UGT2B10: variants seen among roughly 807,000 people sequenced by gnomAD.
UGT2B10 encodes the protein UDP-glucuronosyltransferase 2B10.
A neutral mutation model predicts 43.7 loss-of-function variants in UGT2B10; 51 were observed. The ratio of observed to expected loss-of-function variants is 1.17; its 90% CI spans 0.93 to 1.47. UGT2B10 has a LOEUF of 1.47. UGT2B10 is among the 40% of genes most tolerant of loss of function. The probability of loss-of-function intolerance (pLI) is 0.00; values close to 1 mark genes in which losing one functional copy is unlikely to be tolerated. For synonymous variants in UGT2B10, 225 were observed against 209.0 expected, an observed-to-expected ratio of 1.08 and a Z score of -0.66; for missense variants, 696 against 617.7, an observed-to-expected ratio of 1.13 and a Z score of -1.34.
chr4:68,827,398 G>A lies in UGT2B10; in HGVS notation c.1157G>A (p.Gly386Glu), dbSNP rs747606246. ...GGCATCTATGAGGCAATCTACCATG[G>A]GATCCCTATGGTGGGCATTCCATTG... ...ANGIYEAIYHGIPMVGIPLFF... is the reference protein window; with the variant it reads ...ANGIYEAIYHEIPMVGIPLFF... The change falls in exon 5 of 6, where the codon GGG becomes GAG. Residue 386 changes from glycine to glutamate, a missense_variant. Physicochemically the swap from Gly to Glu is moderately conservative, Grantham distance 98. Coordinates refer to ENST00000265403, the MANE Select transcript of UGT2B10 (RefSeq NM_001075.6). 1.9e-6 allele frequency: 3 copies of A among 1,613,330 alleles called. No homozygotes were observed. Among genetic ancestry groups the A allele is most frequent in the Middle Eastern group, 3.3e-4 (2 of 6,054 alleles).
chr4:68,827,571 C>T, intron 5 of UGT2B10, 23 bp downstream of exon 5: 2 of 1,612,610 alleles, frequency 1.2e-6, no homozygotes, highest in Non-Finnish European at 1.7e-6. Context: ...ATATTTTTCA[C>T]TAGATGGTAT....
chr4:68,825,255 T>TTA (rs1553891665), intron 3 of UGT2B10, among the ~76,000 whole-genome samples: 1 of 151,344 alleles, frequency 6.6e-6, no homozygotes. Context: ...GTTACTTTTT[T>TTA]TATACCAGAA....
chr4:68,826,327 C>T (rs576394927), intron 3 of UGT2B10, 83 bp from the exon 4 acceptor site: 1 of 1,428,592 alleles, frequency 7.0e-7, no homozygotes, highest in Non-Finnish European at 9.6e-7. Context: ...CCCTTGATTT[C>T]ATTTCTACTC....
intron 4 of UGT2B10, 51 bp from the exon 5 acceptor site, chr4:68,827,278 C>T (rs1048504093): frequency 1.4e-5 from 22 of 1,610,056 alleles, no homozygotes; most frequent in Admixed American, 1.7e-5. Context: ...TTTCATTGTG[C>T]ATCTCATTTT....
Position 68,822,251 on chromosome 4 carries a change from A to G in UGT2B10, c.868-20A>G, listed in dbSNP as rs115459745. The G allele has an allele frequency of 1.2e-3, 1,961 of 1,608,390 alleles. 29 individuals carry two copies. The African/African-American group carries it at 0.023, about 19-fold the overall frequency. ...TGGTGATACTCTTTTATGATGAAAC[A>G]TTTTTTCTTTTTCCCACAGGAAATG... On this transcript the variant is annotated intron_variant, in intron 2 of 5. Coordinates refer to ENST00000265403, the MANE Select transcript of UGT2B10 (RefSeq NM_001075.6).
At chr4:68,823,036 A>G (rs1004213308) in intron 3 of UGT2B10, among the ~76,000 whole-genome samples, 12 of 152,144 alleles carry the variant, frequency 7.9e-5, no homozygotes, top group African/African-American at 2.4e-4. Flanking sequence ...AAATGCTTAT[A>G]TGAAATATGT....
chr4:68,823,279 G>A lies in UGT2B10; in HGVS notation c.999+877G>A, dbSNP rs138957516. Among the ~76,000 whole-genome samples, 484 of 152,078 alleles carry A rather than the reference G, an allele frequency of 3.2e-3. 2 individuals carry two copies. Among genetic ancestry groups the A allele is most frequent in the African/African-American group, 6.0e-3 (248 of 41,522 alleles). On this transcript the variant is annotated intron_variant, in intron 3 of 5. Transcript: ENST00000265403. The stretch of plus-strand genomic sequence containing the variant: ...TCCCAGCACTTTGGGAGGCCAAGGC[G>A]GGCAGATCACGAGGTCAGGAGATCG...
rs1158602416 is a variant in UGT2B10, at chr4:68,831,064, T to G, written c.*185T>G. On this transcript the variant is annotated 3_prime_UTR_variant, in exon 6 of 6. Coordinates refer to ENST00000265403, the MANE Select transcript of UGT2B10 (RefSeq NM_001075.6). ...CCACCCAGTTAATGGTTAGAAATAT[T>G]CTGTGGCAATGAAGAAAACACTAGG... 1 of 740,034 alleles carries G rather than the reference T, an allele frequency of 1.4e-6. No individual in the cohort carries two copies. Among genetic ancestry groups the G allele is most frequent in the Non-Finnish European group, 2.1e-6 (1 of 466,520 alleles). The allele number at this position is 740,034 out of a possible 1,614,324, so 45.8% of individuals were successfully genotyped here. A position where few individuals can be genotyped will look rare whatever the true frequency, so the allele number is the denominator to read the frequency against.
At chr4:68,819,400 A>G (rs1489698301) in intron 2 of UGT2B10, among the ~76,000 whole-genome samples, 1 of 151,992 alleles carries the variant, frequency 6.6e-6, no homozygotes, top group Non-Finnish European at 1.5e-5. Flanking sequence ...AAGATAAGCT[A>G]GTTGAAATTT....
rs1479686148 is a variant in UGT2B10 at position 68,816,520 on chromosome 4, T to G, written c.501T>G (p.Phe167Leu). 7.4e-6 allele frequency: 12 copies of G among 1,613,050 alleles called. No homozygotes were observed. Among genetic ancestry groups the G allele is most frequent in the Non-Finnish European group, 1.0e-5 (12 of 1,179,364 alleles). Residue 167 changes from phenylalanine to leucine, a missense_variant, in exon 1 of 6, where the codon TTT becomes TTG. Physicochemically the swap from Phe to Leu is conservative, Grantham distance 22. Coordinates refer to ENST00000265403, the MANE Select transcript of UGT2B10 (RefSeq NM_001075.6). ...ELLAELFNIP[F>L]VYSHSFSPGY... ...TGGCTGAGCTATTTAACATACCCTT[T>G]GTGTACAGTCACAGCTTCAGTCCTG...
At chr4:68,824,398 C>T (rs1353069095) in intron 3 of UGT2B10, among the ~76,000 whole-genome samples, 2 of 152,152 alleles carry the variant, frequency 1.3e-5, no homozygotes, top group African/African-American at 4.8e-5. Flanking sequence ...CACTAATTAC[C>T]AGATTAACAA....
At chr4:68,828,067 C>A (rs1256769272) in intron 5 of UGT2B10, among the ~76,000 whole-genome samples, 1 of 151,842 alleles carries the variant, frequency 6.6e-6, no homozygotes, top group African/African-American at 2.4e-5. Flanking sequence ...AAGTCATCAC[C>A]AGTGTATAAG....
intron 3 of UGT2B10, among the ~76,000 whole-genome samples, chr4:68,824,471 AG>A (rs1196194184): frequency 6.6e-6 from 1 of 152,168 alleles, no homozygotes; most frequent in African/African-American, 2.4e-5. Context: ...GAAGCCAGGC[AG>A]GGGAACAGGT....
intron 3 of UGT2B10, among the ~76,000 whole-genome samples, chr4:68,826,178 C>A (rs1737763838): frequency 6.6e-6 from 1 of 151,990 alleles, no homozygotes; most frequent in Admixed American, 6.6e-5. Flanking sequence ...TTGAACTTTT[C>A]ATTGATAATC....
chr4:68,823,289 C>T (rs1737603490), intron 3 of UGT2B10, among the ~76,000 whole-genome samples: 1 of 151,960 alleles, frequency 6.6e-6, no homozygotes, highest in Non-Finnish European at 1.5e-5. Context: ...GGGCAGATCA[C>T]GAGGTCAGGA....
At chr4:68,818,314 A>G in intron 2 of UGT2B10, 137 bp downstream of exon 2, 1 of 1,454,076 alleles carries the variant, frequency 6.9e-7, no homozygotes, top group Non-Finnish European at 9.2e-7. Flanking sequence ...CCAATTAGAA[A>G]CTCATGTACA....
In UGT2B10 at chr4:68,827,465, G is replaced by A. The variant is rs1737846895; in HGVS notation, c.1224G>A (p.Lys408=). 1 of 1,613,502 alleles carries A rather than the reference G, an allele frequency of 6.2e-7. No individual in the cohort carries two copies. Among genetic ancestry groups the A allele is most frequent in the Admixed American group, 1.7e-5 (1 of 59,950 alleles). The change falls in exon 5 of 6, where the codon AAG becomes AAA. Residue 408 remains lysine, a synonymous_variant. Transcript: ENST00000265403. ...QPDNIAHMKA[K]GAAVRVDFNT... ...ATAATATTGCTCACATGAAGGCCAAGGGAGCAGCTGTTAGAGTGGACTTCA... is the reference window on the plus strand; with the variant it reads ...ATAATATTGCTCACATGAAGGCCAAAGGAGCAGCTGTTAGAGTGGACTTCA...
Position 68,831,413 on chromosome 4 carries a change from GA to G in UGT2B10, c.*536del, listed in dbSNP as rs760712365. Among the ~76,000 whole-genome samples the G allele has an allele frequency of 6.6e-5, 10 of 152,160 alleles. No individual in the cohort carries two copies. The highest frequency in any genetic ancestry group is 3.4e-3 in the Middle Eastern group (1 of 294). On this transcript the variant is annotated 3_prime_UTR_variant, in exon 6 of 6. Coordinates refer to ENST00000265403, the MANE Select transcript of UGT2B10 (RefSeq NM_001075.6). ...TTTACAAAATGAGATTTTTATATAA[GA>G]ATGATTCAAATGTTCAGGGATGAAA...
chr4:68,818,633 T>C (rs1456136521), intron 2 of UGT2B10, among the ~76,000 whole-genome samples: 2 of 151,600 alleles, frequency 1.3e-5, no homozygotes, highest in Non-Finnish European at 2.9e-5. Flanking sequence ...AAAAACCCAA[T>C]GCTAAGAAAG....
Sources: allele counts gnomAD v4.1 joint callset (sites outside exome capture counted in the v4.1 genomes callset), GRCh38; gene constraint gnomAD v4.1.1; transcripts MANE v1.5; gene names NCBI Gene and HGNC (gene_info 2026-07-23, HGNC 2026-07-21).